Variants in BCAS3 observed in about 807,000 individuals in gnomAD.
The protein encoded by BCAS3 is BCAS4/BCAS3 fusion.
Under a neutral mutation model 116.1 loss-of-function variants are expected in BCAS3, and 53 were observed. That is an observed-to-expected ratio of 0.46 (90% CI 0.37 to 0.57). The LOEUF (loss-of-function observed/expected upper bound fraction) is 0.57. BCAS3 is among the 20% of genes least tolerant of loss of function. The pLI, the probability that BCAS3 is intolerant of heterozygous loss-of-function variation, is 0.00. For synonymous variants in BCAS3, 391 were observed against 408.2 expected (o/e 0.96, Z 0.51); for missense variants, 917 against 1,165.4 (o/e 0.79, Z 3.10).
Position 61,226,281 on chromosome 17 carries a change from A to G in BCAS3, c.2425+141717A>G, listed in dbSNP as rs1159714396. Among the ~76,000 whole-genome samples the G allele has an allele frequency of 1.3e-5, 2 of 152,238 alleles. No homozygotes were observed. Among genetic ancestry groups the G allele is most frequent in the South Asian group, 2.1e-4 (1 of 4,834 alleles). On this transcript the variant is annotated intron_variant, in intron 22 of 23. Coordinates refer to ENST00000407086, the MANE Select transcript of BCAS3 (RefSeq NM_017679.5). This position sits in a 1 kb window ranked among gnomAD's most constrained non-coding sequence, Gnocchi z 6.0. ...GTCCAAAATTCTCTATAAAAAATTC[A>G]GGAAATAATTGTTTTGTGATACCTA...
chr17:61,273,958 T>A (rs890400338), intron 22 of BCAS3, among the ~76,000 whole-genome samples: 6 of 151,330 alleles, frequency 4.0e-5, no homozygotes, highest in Non-Finnish European at 7.4e-5. Context: ...TTTTATTTTT[T>A]AAATTTTATT....
intron 6 of BCAS3, among the ~76,000 whole-genome samples, chr17:60,758,671 C>T (rs6503989): frequency 0.72 from 109,902 of 151,626 alleles, 45,522 homozygotes; most frequent in South Asian, 0.98. Flanking sequence ...CATGAGCCAC[C>T]GCACCCGGCC....
chr17:60,733,164 AAT>A (rs1257710386), intron 5 of BCAS3, among the ~76,000 whole-genome samples: 1 of 152,228 alleles, frequency 6.6e-6, no homozygotes, highest in Admixed American at 6.5e-5. Flanking sequence ...TGGTTAGATA[AAT>A]ATGTTATTAA....
intron 22 of BCAS3, among the ~76,000 whole-genome samples, chr17:61,273,470 T>C (rs991093879): frequency 3.3e-4 from 50 of 152,326 alleles, no homozygotes; most frequent in African/African-American, 1.1e-3. Flanking sequence ...TCATATGTCT[T>C]TTACCTCTGG....
rs562190659 is a variant in BCAS3, at chr17:60,960,849, A to T, written c.1221+13497A>T. Among the ~76,000 whole-genome samples, 47 of 150,704 alleles carry T rather than the reference A, an allele frequency of 3.1e-4. No individual in the cohort carries two copies. Among genetic ancestry groups the T allele is most frequent in the African/African-American group, 1.1e-3 (47 of 40,904 alleles). Reference sequence around the variant, plus strand: ...ATGGCGGTGTTTCTGCAGATACTACATTCTCAAAAACCTTGTGTATCTCCT... The same window carrying T: ...ATGGCGGTGTTTCTGCAGATACTACTTTCTCAAAAACCTTGTGTATCTCCT... On this transcript the variant is annotated intron_variant, in intron 14 of 23. Coordinates refer to ENST00000407086, the MANE Select transcript of BCAS3 (RefSeq NM_017679.5). The surrounding 1 kb of genome is among the most constrained non-coding windows in gnomAD (Gnocchi z 4.1).
intron 7 of BCAS3, 70 bp downstream of exon 7, chr17:60,808,146 A>C (rs541641894): frequency 9.2e-7 from 1 of 1,085,748 alleles, no homozygotes; most frequent in African/African-American, 1.6e-5. Context: ...GAGAACTTTG[A>C]TGTTATAAAA....
At chr17:61,173,923 A>G (rs2078998454) in intron 22 of BCAS3, among the ~76,000 whole-genome samples, 1 of 152,176 alleles carries the variant, frequency 6.6e-6, no homozygotes, top group South Asian at 2.1e-4. Context: ...CAAAGTGGAA[A>G]TTATTTAAAT....
chr17:60,692,874 G>A (rs1026026190), intron 4 of BCAS3, among the ~76,000 whole-genome samples: 5 of 110,104 alleles, frequency 4.5e-5, no homozygotes, highest in East Asian at 2.8e-4. Flanking sequence ...CAGCCTGGGC[G>A]ACAGAGAGAT....
intron 4 of BCAS3, among the ~76,000 whole-genome samples, chr17:60,706,109 C>G (rs1309129935): frequency 2.0e-5 from 3 of 152,098 alleles, no homozygotes. Flanking sequence ...GTTGCCCAGG[C>G]TGGAGTGCAG....
chr17:61,280,649 AG>A (rs1314723342), intron 22 of BCAS3, among the ~76,000 whole-genome samples: 1 of 152,198 alleles, frequency 6.6e-6, no homozygotes, highest in East Asian at 1.9e-4. Context: ...TGAAAGTAAA[AG>A]CTTATTTTAA....
intron 19 of BCAS3, among the ~76,000 whole-genome samples, chr17:61,045,823 TTCTC>T (rs1182475386): frequency 0.016 from 561 of 34,586 alleles, 32 homozygotes; most frequent in African/African-American, 0.091. Context: ...TCATCTCTCT[TTCTC>T]TCTCTCTCTC....
chr17:61,277,593 A>T (rs2050877160), intron 22 of BCAS3, among the ~76,000 whole-genome samples: 1 of 151,974 alleles, frequency 6.6e-6, no homozygotes, highest in African/African-American at 2.4e-5. Flanking sequence ...TGCAAATCAT[A>T]TATCTGATAA....
At chr17:60,705,248 G>T (rs998137163) in intron 4 of BCAS3, among the ~76,000 whole-genome samples, 4 of 152,194 alleles carry the variant, frequency 2.6e-5, no homozygotes, top group African/African-American at 9.6e-5. Flanking sequence ...GCCGGGCATG[G>T]TGGCTCATCC....
chr17:61,040,748 A>G (rs958933505), intron 18 of BCAS3, 44 bp from the exon 19 acceptor site: 106 of 1,469,586 alleles, frequency 7.2e-5, no homozygotes, highest in Non-Finnish European at 1.0e-4. Context: ...TTTACATCCC[A>G]TCTATTAAGC....
chr17:60,842,862 C>CT (rs1264168541), intron 7 of BCAS3, among the ~76,000 whole-genome samples: 2,207 of 144,444 alleles, frequency 0.015, 57 homozygotes, highest in African/African-American at 0.051. Flanking sequence ...ATTCTCTTAG[C>CT]TTTTTTTTTT....
In BCAS3 at chr17:61,251,164, C is replaced by A. The variant is rs1266101223; in HGVS notation, c.2426-117163C>A. Reference sequence around the variant, plus strand: ...GTGCTTGCCCAGCTGGAAGGTGAGACATTGGAGGCCTCAGCCTGGTGTCCC... The same window carrying A: ...GTGCTTGCCCAGCTGGAAGGTGAGAAATTGGAGGCCTCAGCCTGGTGTCCC... On this transcript the variant is annotated intron_variant, in intron 22 of 23. Transcript: ENST00000407086. The surrounding 1 kb of genome is among the most constrained non-coding windows in gnomAD (Gnocchi z 4.7). 6.6e-6 allele frequency among the ~76,000 whole-genome samples: 1 copy of A among 152,172 alleles called. No individual in the cohort carries two copies. Among genetic ancestry groups the A allele is most frequent in the East Asian group, 1.9e-4 (1 of 5,192 alleles).
intron 6 of BCAS3, among the ~76,000 whole-genome samples, chr17:60,761,812 GCTTC>G (rs2043570515): frequency 8.5e-6 from 1 of 117,614 alleles, no homozygotes; most frequent in Admixed American, 7.6e-5. Flanking sequence ...ACTAGTTTAT[GCTTC>G]CACCAACAGT....
intron 22 of BCAS3, among the ~76,000 whole-genome samples, chr17:61,167,536 A>G (rs1258578165): frequency 6.6e-6 from 1 of 152,218 alleles, no homozygotes; most frequent in Non-Finnish European, 1.5e-5. Context: ...GACACAATCT[A>G]GCAGATGTCT....
At position 60,747,897 on chromosome 17, in the gene BCAS3, T is replaced by A. The variant is rs892150509; in HGVS notation, c.403+618T>A. ...TATGTTTTATATTTATTTAAAAAATTCAAATATGTGTTTGTATTAAACTTG... is the reference window on the plus strand; with the variant it reads ...TATGTTTTATATTTATTTAAAAAATACAAATATGTGTTTGTATTAAACTTG... On this transcript the variant is annotated intron_variant, in intron 6 of 23. Coordinates refer to ENST00000407086, the MANE Select transcript of BCAS3 (RefSeq NM_017679.5). Among the ~76,000 whole-genome samples, 5 of 152,182 alleles carry A rather than the reference T, an allele frequency of 3.3e-5. No individual in the cohort carries two copies. In the East Asian group the frequency reaches 9.6e-4, roughly 29 times the overall value.
Sources: allele counts gnomAD v4.1 joint callset (sites outside exome capture counted in the v4.1 genomes callset), GRCh38; gene constraint gnomAD v4.1.1; non-coding constraint Gnocchi (gnomAD v3.1); transcripts MANE v1.5; gene names NCBI Gene and HGNC (gene_info 2026-07-23, HGNC 2026-07-21).